CFAP61: variants seen among roughly 807,000 people sequenced by gnomAD.
CFAP61 encodes cilia and flagella associated protein 61.
In CFAP61, 107 loss-of-function variants were observed where a neutral mutation model predicts 135.6. The observed-to-expected ratio is 0.79, with a 90% CI of 0.67 to 0.93. CFAP61 has a LOEUF of 0.93. Ranked by LOEUF, CFAP61 falls within the 40% of genes least tolerant of loss-of-function variation. The probability of loss-of-function intolerance (pLI) is 0.00; values close to 1 mark genes in which losing one functional copy is unlikely to be tolerated. For synonymous variants in CFAP61, 575 were observed against 578.5 expected, an observed-to-expected ratio of 0.99 and a Z score of 0.09; for missense variants, 1,507 against 1,556.2, an observed-to-expected ratio of 0.97 and a Z score of 0.53.
intron 17 of CFAP61, among the ~76,000 whole-genome samples, chr20:20,211,491 A>G (rs2047633265): frequency 6.6e-6 from 1 of 152,236 alleles, no homozygotes; most frequent in Non-Finnish European, 1.5e-5. Flanking sequence ...AGAAAATACA[A>G]AAGATGACTT....
chr20:20,054,438 T>C (rs763230926), intron 1 of CFAP61, among the ~76,000 whole-genome samples: 9 of 151,640 alleles, frequency 5.9e-5, no homozygotes, highest in Admixed American at 1.3e-4. Flanking sequence ...CATACACATA[T>C]ACACACACAC....
At chr20:20,311,522 G>A (rs2056828034) in intron 25 of CFAP61, among the ~76,000 whole-genome samples, 1 of 152,334 alleles carries the variant, frequency 6.6e-6, no homozygotes, top group Admixed American at 6.5e-5. Flanking sequence ...CCAGGCCACA[G>A]CAAGGGGAAG....
intron 6 of CFAP61, among the ~76,000 whole-genome samples, chr20:20,078,414 G>A (rs991284234): frequency 3.0e-4 from 45 of 152,358 alleles, no homozygotes; most frequent in African/African-American, 9.6e-4. Context: ...GGATGGAGGA[G>A]TTGAGGGATG....
chr20:20,056,120 T>A, intron 1 of CFAP61: 1 of 781,642 alleles, frequency 1.3e-6, no homozygotes, highest in Non-Finnish European at 2.1e-6. Flanking sequence ...TGGTGGCCCT[T>A]CAGGAAGCCT....
intron 6 of CFAP61, among the ~76,000 whole-genome samples, chr20:20,088,556 C>G (rs570063857): frequency 6.6e-6 from 1 of 152,190 alleles, no homozygotes; most frequent in East Asian, 1.9e-4. Context: ...GCAGTCACCC[C>G]CATGATTCAA....
At chr20:20,142,008 C>T (rs1461997689) in intron 8 of CFAP61, among the ~76,000 whole-genome samples, 1 of 152,124 alleles carries the variant, frequency 6.6e-6, no homozygotes, top group African/African-American at 2.4e-5. Flanking sequence ...GATGTCATGG[C>T]TGAGAACTCC....
At chr20:20,320,367 TATATATTA>T (rs2057392460) in intron 25 of CFAP61, among the ~76,000 whole-genome samples, 1 of 9,754 alleles carries the variant, frequency 1.0e-4, no homozygotes, top group Non-Finnish European at 3.7e-4. Flanking sequence ...ATATATGTAA[TATATATTA>T]TATATATGTA....
At chr20:20,121,018 A>G (rs2049573332) in intron 8 of CFAP61, among the ~76,000 whole-genome samples, 1 of 151,816 alleles carries the variant, frequency 6.6e-6, no homozygotes, top group African/African-American at 2.4e-5. Context: ...GTGTGTCTTA[A>G]TAGGTGAAAT....
At chr20:20,195,261 C>T (rs1779487185) in intron 15 of CFAP61, among the ~76,000 whole-genome samples, 1 of 152,186 alleles carries the variant, frequency 6.6e-6, no homozygotes, top group Admixed American at 6.5e-5. Context: ...TTGCTGGTGC[C>T]AGCCTTGCTG....
At chr20:20,101,278 A>G (rs2047998688) in intron 8 of CFAP61, among the ~76,000 whole-genome samples, 1 of 152,236 alleles carries the variant, frequency 6.6e-6, no homozygotes, top group Non-Finnish European at 1.5e-5. Context: ...CTTGTTTCAA[A>G]TGAGCACACA....
At chr20:20,097,475 C>G (rs777664036) in intron 7 of CFAP61, among the ~76,000 whole-genome samples, 45 of 152,110 alleles carry the variant, frequency 3.0e-4, no homozygotes, top group Non-Finnish European at 5.1e-4. Flanking sequence ...TACAGAATTA[C>G]TTAAGGGATA....
intron 25 of CFAP61, among the ~76,000 whole-genome samples, chr20:20,326,361 G>A (rs959701544): frequency 6.6e-6 from 1 of 152,020 alleles, no homozygotes; most frequent in South Asian, 2.1e-4. Context: ...CTCTAACAAA[G>A]AAGAATAACA....
At chr20:20,146,912 C>T (rs553221398) in intron 9 of CFAP61, among the ~76,000 whole-genome samples, 18 of 152,262 alleles carry the variant, frequency 1.2e-4, no homozygotes, top group African/African-American at 4.1e-4. Context: ...TCACCCCTAC[C>T]GGCCAAGTCC....
At chr20:20,124,158 G>A (rs1028462637) in intron 8 of CFAP61, among the ~76,000 whole-genome samples, 4 of 151,282 alleles carry the variant, frequency 2.6e-5, no homozygotes, top group Admixed American at 1.3e-4. Context: ...TAGGGTTTTC[G>A]AGGTAAACAA....
In CFAP61 at chr20:20,228,390, C is replaced by T. The variant is rs1274017520; in HGVS notation, c.2060+14C>T. On this transcript the variant is annotated intron_variant, in intron 18 of 26. Coordinates refer to ENST00000245957, the MANE Select transcript of CFAP61 (RefSeq NM_015585.4). ...ATTGGTATTTTGGTGAGTTGTTTCA[C>T]TCTATTGATTGATTGGTTTTTAAAT... The T allele has an allele frequency of 6.3e-7, 1 of 1,595,348 alleles. No individual in the cohort carries two copies. The highest frequency in any genetic ancestry group is 1.1e-5 in the South Asian group (1 of 89,888).
At chr20:20,098,595 G>C (rs976344067) in intron 7 of CFAP61, 60 bp from the exon 8 acceptor site, 2 of 1,355,692 alleles carry the variant, frequency 1.5e-6, no homozygotes, top group Non-Finnish European at 9.7e-7. Context: ...GTGACAGAGC[G>C]AGACTTTGTC....
intron 6 of CFAP61, chr20:20,085,183 G>A: frequency 1.0e-6 from 1 of 985,444 alleles, no homozygotes; most frequent in Non-Finnish European, 1.2e-6. Flanking sequence ...ACGCTGCGGT[G>A]CCAAATTCAC....
intron 7 of CFAP61, among the ~76,000 whole-genome samples, chr20:20,097,741 G>A (rs1325316728): frequency 6.6e-6 from 1 of 152,220 alleles, no homozygotes; most frequent in African/African-American, 2.4e-5. Flanking sequence ...CCCACCTGGT[G>A]AACCAGCCTA....
intron 17 of CFAP61, among the ~76,000 whole-genome samples, chr20:20,212,966 C>A (rs1363799226): frequency 2.7e-5 from 4 of 149,432 alleles, no homozygotes; most frequent in Non-Finnish European, 5.9e-5. Context: ...GCACCGTGTC[C>A]GGTGGCAGCA....
Sources: allele counts gnomAD v4.1 joint callset (sites outside exome capture counted in the v4.1 genomes callset), GRCh38; gene constraint gnomAD v4.1.1; transcripts MANE v1.5; gene names NCBI Gene and HGNC (gene_info 2026-07-23, HGNC 2026-07-21).